The following R3HCC1L variants were observed in gnomAD, a reference collection of about 807,000 sequenced individuals.
The protein encoded by R3HCC1L is coiled-coil domain-containing protein R3HCC1L.
Under a neutral mutation model 59.9 loss-of-function variants are expected in R3HCC1L, and 51 were observed. That is an observed-to-expected ratio of 0.85 (90% CI 0.68 to 1.07). R3HCC1L has a LOEUF of 1.07. Ranked by LOEUF, R3HCC1L falls within the 50% of genes least tolerant of loss-of-function variation. The pLI, the probability that R3HCC1L is intolerant of heterozygous loss-of-function variation, is 0.00. For synonymous variants in R3HCC1L, 322 were observed against 315.2 expected (o/e 1.02, Z -0.23); for missense variants, 965 against 933.0 (o/e 1.03, Z -0.45).
chr10:98,183,499 CTT>C (rs1170966436), intron 4 of R3HCC1L, among the ~76,000 whole-genome samples: 1 of 151,534 alleles, frequency 6.6e-6, no homozygotes, highest in Non-Finnish European at 1.5e-5. Context: ...TTTTTGGATT[CTT>C]TTGTATTAAT....
chr10:98,157,180 C>T (rs956152954), intron 2 of R3HCC1L, among the ~76,000 whole-genome samples: 1 of 152,164 alleles, frequency 6.6e-6, no homozygotes, highest in African/African-American at 2.4e-5. Flanking sequence ...TGTTAGATCT[C>T]TGCTTTGTCC....
At chr10:98,232,457 T>C (rs968290121) in intron 6 of R3HCC1L, among the ~76,000 whole-genome samples, 3 of 152,182 alleles carry the variant, frequency 2.0e-5, no homozygotes, top group Admixed American at 6.5e-5. Flanking sequence ...GATACTTATA[T>C]AGGAGAAGTT....
chr10:98,214,704 T>G (rs1341662280), intron 5 of R3HCC1L, among the ~76,000 whole-genome samples: 1 of 152,220 alleles, frequency 6.6e-6, no homozygotes, highest in Non-Finnish European at 1.5e-5. Flanking sequence ...AACGTTCTTA[T>G]TCCTATCTTC....
intron 6 of R3HCC1L, among the ~76,000 whole-genome samples, chr10:98,232,281 C>T (rs900490655): frequency 7.2e-5 from 11 of 152,166 alleles, no homozygotes; most frequent in African/African-American, 2.2e-4. Context: ...TGAGTTACCA[C>T]GCCTGGCCTC....
At chr10:98,151,095 TCTC>T (rs1338913391) in intron 1 of R3HCC1L, among the ~76,000 whole-genome samples, 1 of 152,210 alleles carries the variant, frequency 6.6e-6, no homozygotes, top group African/African-American at 2.4e-5. Flanking sequence ...CCTGAAACTG[TCTC>T]CTCCTCATTT....
intron 4 of R3HCC1L, among the ~76,000 whole-genome samples, chr10:98,202,409 T>G (rs996762873): frequency 4.6e-5 from 7 of 152,104 alleles, no homozygotes; most frequent in African/African-American, 1.7e-4. Flanking sequence ...GTTAAGAGCA[T>G]CACTGAAGGA....
intron 5 of R3HCC1L, among the ~76,000 whole-genome samples, chr10:98,212,249 T>C (rs1198018936): frequency 6.6e-6 from 1 of 152,202 alleles, no homozygotes; most frequent in Non-Finnish European, 1.5e-5. Flanking sequence ...TTTTTATTGC[T>C]CCAAACATAC....
At chr10:98,195,248 T>G (rs1307502575) in intron 4 of R3HCC1L, among the ~76,000 whole-genome samples, 2 of 152,186 alleles carry the variant, frequency 1.3e-5, no homozygotes, top group South Asian at 2.1e-4. Flanking sequence ...TTCACTAATA[T>G]GAGGTATCTA....
intron 4 of R3HCC1L, among the ~76,000 whole-genome samples, chr10:98,176,425 T>C (rs9420721): frequency 0.32 from 48,696 of 152,068 alleles, 7,980 homozygotes; most frequent in East Asian, 0.48. Flanking sequence ...TATCAATGTA[T>C]TTTAGTTTTC....
chr10:98,168,920 G>A (rs978114753), intron 4 of R3HCC1L, among the ~76,000 whole-genome samples: 33 of 152,198 alleles, frequency 2.2e-4, no homozygotes, highest in African/African-American at 8.0e-4. Context: ...GCTTGGAGGA[G>A]TTGGTAGGAA....
intron 5 of R3HCC1L, among the ~76,000 whole-genome samples, chr10:98,230,117 C>G (rs1393164202): frequency 6.6e-6 from 1 of 152,064 alleles, no homozygotes; most frequent in African/African-American, 2.4e-5. Context: ...TGGAGGATTC[C>G]CTCTTTTTCT....
intron 4 of R3HCC1L, among the ~76,000 whole-genome samples, chr10:98,184,616 T>C (rs1850029428): frequency 6.6e-6 from 1 of 152,228 alleles, no homozygotes; most frequent in Non-Finnish European, 1.5e-5. Context: ...ACGTGACACA[T>C]GACTGTAGTA....
chr10:98,244,205 C>T lies in R3HCC1L; in HGVS notation c.*47C>T. On this transcript the variant is annotated 3_prime_UTR_variant, in exon 10 of 10. Coordinates refer to ENST00000298999, the MANE Select transcript of R3HCC1L (RefSeq NM_001351015.2). ...AATTCCATGAATCAGAAAATGTTTC[C>T]ATAGCCTTCAGATAAGATGATCCTT... The T allele has an allele frequency of 6.4e-7, 1 of 1,551,218 alleles. No homozygotes were observed. The highest frequency in any genetic ancestry group is 8.9e-7 in the Non-Finnish European group (1 of 1,123,778).
chr10:98,151,735 A>G (rs1371090257), intron 1 of R3HCC1L, among the ~76,000 whole-genome samples: 2 of 152,226 alleles, frequency 1.3e-5, no homozygotes, highest in Non-Finnish European at 2.9e-5. Flanking sequence ...CAGGAGGCAG[A>G]AAAGGAGCCA....
At chr10:98,140,342 T>C (rs968307809) in intron 1 of R3HCC1L, among the ~76,000 whole-genome samples, 2 of 152,114 alleles carry the variant, frequency 1.3e-5, no homozygotes, top group Admixed American at 1.3e-4. Flanking sequence ...CAAGGATGTA[T>C]TAAAAATGAG....
chr10:98,232,710 A>G (rs930883452), intron 6 of R3HCC1L, among the ~76,000 whole-genome samples: 3 of 152,258 alleles, frequency 2.0e-5, no homozygotes, highest in East Asian at 1.9e-4. Flanking sequence ...AAGATTCTAT[A>G]TAAGTCAGGG....
chr10:98,227,576 GTTTT>G (rs11289626), intron 5 of R3HCC1L, among the ~76,000 whole-genome samples: 1 of 140,688 alleles, frequency 7.1e-6, no homozygotes, highest in African/African-American at 2.6e-5. Context: ...AGCAGTGTGT[GTTTT>G]TTTTTTTTTT....
chr10:98,239,474 T>C (rs181173179), intron 9 of R3HCC1L, among the ~76,000 whole-genome samples: 68 of 152,244 alleles, frequency 4.5e-4, no homozygotes, highest in African/African-American at 1.6e-3. Context: ...CTAGCAACAG[T>C]GCCTGGTACA....
At chr10:98,144,261 G>T (rs1262684991) in intron 1 of R3HCC1L, among the ~76,000 whole-genome samples, 1 of 152,090 alleles carries the variant, frequency 6.6e-6, no homozygotes, top group Non-Finnish European at 1.5e-5. Context: ...TGTCACCAGA[G>T]CTGGAGTGTA....
Sources: gnomAD v4.1 joint callset for allele counts (sites outside exome capture counted in the v4.1 genomes callset) on GRCh38, gnomAD v4.1.1 for gene constraint, MANE v1.5 for transcripts, NCBI Gene and HGNC (gene_info 2026-07-23, HGNC 2026-07-21) for gene names.